The following GPR39 variants were observed in gnomAD, a reference collection of about 807,000 sequenced individuals.
GPR39 encodes zinc sensing receptor.
Under a neutral mutation model 18.4 loss-of-function variants are expected in GPR39, and 23 were observed. The observed-to-expected ratio is 1.25, with a 90% CI of 0.90 to 1.77. The LOEUF is 1.77. GPR39 is among the 40% of genes most tolerant of loss of function. The pLI is 0.00. For missense variants in GPR39, 647 were observed against 602.4 expected (o/e 1.07, Z -0.78); for synonymous variants, 280 against 257.9 (o/e 1.09, Z -0.82).
At chr2:132,638,207 C>T (rs570256701) in intron 1 of GPR39, among the ~76,000 whole-genome samples, 13 of 152,150 alleles carry the variant, frequency 8.5e-5, no homozygotes, top group East Asian at 7.7e-4. Context: ...ACTGGCAGGA[C>T]GGTTGTCTAG....
chr2:132,584,575 A>G (rs141798416), intron 1 of GPR39, among the ~76,000 whole-genome samples: 8 of 152,118 alleles, frequency 5.3e-5, no homozygotes, highest in East Asian at 3.9e-4. Flanking sequence ...TGAGTCCCCA[A>G]GGTTCTGTCT....
At chr2:132,494,346 C>T (rs1558815798) in intron 1 of GPR39, among the ~76,000 whole-genome samples, 1 of 152,138 alleles carries the variant, frequency 6.6e-6, no homozygotes. Context: ...GTTTATTGCC[C>T]ATCTCTTCGC....
At chr2:132,494,352 T>G (rs1002850535) in intron 1 of GPR39, among the ~76,000 whole-genome samples, 3 of 152,216 alleles carry the variant, frequency 2.0e-5, no homozygotes, top group African/African-American at 7.2e-5. Context: ...TGCCCATCTC[T>G]TCGCCAGTAA....
intron 1 of GPR39, among the ~76,000 whole-genome samples, chr2:132,530,822 C>G (rs1184837153): frequency 6.6e-6 from 1 of 152,098 alleles, no homozygotes; most frequent in African/African-American, 2.4e-5. Context: ...TTGTCACCAC[C>G]AGGCCTGCCC....
Position 132,434,728 on chromosome 2 carries a change from A to G in GPR39, c.856+16830A>G, listed in dbSNP as rs573754990. On this transcript the variant is annotated intron_variant, in intron 1 of 1. Coordinates refer to ENST00000329321, the MANE Select transcript of GPR39 (RefSeq NM_001508.3). ...AAGTCATGAAAGCCACCAAGCCCAA[A>G]ACAATAAATTCCTGGTGGAGAAAAC... Among the ~76,000 whole-genome samples the G allele has an allele frequency of 2.0e-5, 3 of 152,340 alleles. No individual in the cohort carries two copies. In the East Asian group the frequency reaches 5.8e-4, roughly 29 times the overall value.
intron 1 of GPR39, among the ~76,000 whole-genome samples, chr2:132,454,403 A>G (rs1438971386): frequency 1.3e-5 from 2 of 152,114 alleles, no homozygotes; most frequent in Non-Finnish European, 1.5e-5. Flanking sequence ...GGGTTTTCTA[A>G]ATATACAATC....
intron 1 of GPR39, among the ~76,000 whole-genome samples, chr2:132,492,480 C>CAT (rs567001584): frequency 4.8e-4 from 66 of 136,320 alleles, no homozygotes; most frequent in South Asian, 2.6e-3. Context: ...ATATATACAC[C>CAT]ATATATATAC....
intron 1 of GPR39, among the ~76,000 whole-genome samples, chr2:132,444,551 GT>G (rs1317076116): frequency 1.3e-5 from 2 of 152,170 alleles, no homozygotes; most frequent in Non-Finnish European, 2.9e-5. Context: ...GCCTCCCACA[GT>G]GTTAAGATTA....
intron 1 of GPR39, among the ~76,000 whole-genome samples, chr2:132,491,095 A>C (rs1188715119): frequency 6.6e-6 from 1 of 152,196 alleles, no homozygotes; most frequent in African/African-American, 2.4e-5. Flanking sequence ...CTGAGCACTG[A>C]ACCAAGGATT....
intron 1 of GPR39, among the ~76,000 whole-genome samples, chr2:132,548,011 ATC>A (rs1292818186): frequency 6.6e-6 from 1 of 152,148 alleles, no homozygotes; most frequent in African/African-American, 2.4e-5. Flanking sequence ...AGCTTCTTGC[ATC>A]TTGCATAATG....
intron 1 of GPR39, among the ~76,000 whole-genome samples, chr2:132,501,235 C>A (rs991235965): frequency 8.6e-5 from 13 of 151,934 alleles, no homozygotes; most frequent in African/African-American, 2.9e-4. Flanking sequence ...ATGCTATGAA[C>A]TTTCCTCTAG....
chr2:132,496,632 C>T (rs1360716420), intron 1 of GPR39, among the ~76,000 whole-genome samples: 1 of 152,200 alleles, frequency 6.6e-6, no homozygotes, highest in African/African-American at 2.4e-5. Flanking sequence ...CTCCAGTTCT[C>T]CTCGGCTCTG....
chr2:132,475,006 T>A lies in GPR39; in HGVS notation c.856+57108T>A, dbSNP rs574089945. Among the ~76,000 whole-genome samples, 3 of 152,346 alleles carry A rather than the reference T, an allele frequency of 2.0e-5. No individual in the cohort carries two copies. In the South Asian group the frequency reaches 6.2e-4, roughly 32 times the overall value. On this transcript the variant is annotated intron_variant, in intron 1 of 1. Coordinates refer to ENST00000329321, the MANE Select transcript of GPR39 (RefSeq NM_001508.3). ...AACAGTTCCATCCCTCTGTGCCTTC[T>A]GACCCCTTCTTCAGAACTATGCTGA...
At chr2:132,494,636 T>C (rs1270417452) in intron 1 of GPR39, among the ~76,000 whole-genome samples, 2 of 152,168 alleles carry the variant, frequency 1.3e-5, no homozygotes, top group Non-Finnish European at 2.9e-5. Flanking sequence ...CTCTATGCTG[T>C]GGTCACAGAA....
At chr2:132,554,522 T>G (rs1680109228) in intron 1 of GPR39, among the ~76,000 whole-genome samples, 1 of 152,210 alleles carries the variant, frequency 6.6e-6, no homozygotes, top group African/African-American at 2.4e-5. Flanking sequence ...AAGTTGGTCT[T>G]GTCTGTTGGC....
At chr2:132,640,740 G>T (rs891090761) in intron 1 of GPR39, among the ~76,000 whole-genome samples, 6 of 152,160 alleles carry the variant, frequency 3.9e-5, no homozygotes, top group Admixed American at 1.3e-4. Flanking sequence ...TTAAAGCTTT[G>T]TCTTAGCCAC....
At chr2:132,580,960 C>CAAAAAAAAAAAAAAAAAA (rs538565776) in intron 1 of GPR39, among the ~76,000 whole-genome samples, 1 of 55,276 alleles carries the variant, frequency 1.8e-5, no homozygotes, top group African/African-American at 5.6e-5. Flanking sequence ...GACTCTGTCT[C>CAAAAAAAAAAAAAAAAAA]AAAAAAAAAA....
At chr2:132,449,482 C>T (rs969281518) in intron 1 of GPR39, among the ~76,000 whole-genome samples, 2 of 152,018 alleles carry the variant, frequency 1.3e-5, no homozygotes, top group Non-Finnish European at 2.9e-5. Context: ...CTCCTGACCT[C>T]GTGATCCGCC....
intron 1 of GPR39, among the ~76,000 whole-genome samples, chr2:132,460,739 T>C: frequency 6.6e-6 from 1 of 152,178 alleles, no homozygotes; most frequent in Non-Finnish European, 1.5e-5. Context: ...TTCCTTACCT[T>C]TAACTTTCCT....
Sources: allele counts gnomAD v4.1 joint callset (sites outside exome capture counted in the v4.1 genomes callset), GRCh38; gene constraint gnomAD v4.1.1; transcripts MANE v1.5; gene names NCBI Gene and HGNC (gene_info 2026-07-23, HGNC 2026-07-21).